P3H2: variants seen among roughly 807,000 people sequenced by gnomAD.
The protein encoded by P3H2 is prolyl 3-hydroxylase 2.
In P3H2, 80 loss-of-function variants were observed where a neutral mutation model predicts 87.0. The observed-to-expected ratio is 0.92, with a 90% CI of 0.77 to 1.11. The LOEUF is 1.11. Among genes scored for constraint, P3H2 ranks in the 50% least tolerant of loss-of-function variants. P3H2 has a pLI of 0.00. For missense variants in P3H2, 1,001 were observed against 923.9 expected (o/e 1.08, Z -1.08); for synonymous variants, 367 against 359.3 (o/e 1.02, Z -0.24).
chr3:190,120,602 A>T lies in P3H2; in HGVS notation c.130T>A (p.Phe44Ile). 1 of 1,544,692 alleles carries T rather than the reference A, an allele frequency of 6.5e-7. No homozygotes were observed. The highest frequency in any genetic ancestry group is 8.7e-7 in the Non-Finnish European group (1 of 1,155,152). Residue 44 changes from phenylalanine to isoleucine, a missense_variant, in exon 1 of 15, where the codon TTC becomes ATC. By Grantham distance (21) the Phe-to-Ile change is conservative. Transcript: ENST00000319332. Reference sequence around the variant, plus strand: ...GCGCCGCTGGCGTAGAGCAGGTCGAAGGGCTGCAGAGGCCCGGGCTCCAGC... The same window carrying T: ...GCGCCGCTGGCGTAGAGCAGGTCGATGGGCTGCAGAGGCCCGGGCTCCAGC... Reference protein sequence around the residue: ...LELEPGPLQPFDLLYASGAAA... With the variant: ...LELEPGPLQPIDLLYASGAAA...
Position 190,049,947 on chromosome 3 carries a change from A to T in P3H2, c.481-54505T>A, listed in dbSNP as rs558388189. Among the ~76,000 whole-genome samples, 19 of 152,352 alleles carry T rather than the reference A, an allele frequency of 1.2e-4. 1 individual carries two copies. The South Asian group carries it at 2.1e-3, about 17-fold the overall frequency. On this transcript the variant is annotated intron_variant, in intron 1 of 14. Coordinates refer to ENST00000319332, the MANE Select transcript of P3H2 (RefSeq NM_018192.4). ...TTGTGGAACTTTCAGAGTCTCTAAT[A>T]TGCTGATGCACATTGTAAATATTCA...
chr3:189,958,026 C>T (rs184009237), intron 14 of P3H2, 22 bp from the exon 15 acceptor site: 60 of 1,559,658 alleles, frequency 3.8e-5, no homozygotes, highest in Admixed American at 2.8e-4. Context: ...ACAATTTACA[C>T]ATTTCTGTTA....
At chr3:190,064,844 C>T (rs1726446658) in intron 1 of P3H2, among the ~76,000 whole-genome samples, 1 of 152,152 alleles carries the variant, frequency 6.6e-6, no homozygotes, top group African/African-American at 2.4e-5. Context: ...ATAAGATAAG[C>T]CTTCTTGTTT....
At position 189,957,688 on chromosome 3, in the gene P3H2, C is replaced by G. The variant is rs928517019; in HGVS notation, c.*224G>C. 2 of 518,458 alleles carry G rather than the reference C, an allele frequency of 3.9e-6. No homozygotes were observed. Among genetic ancestry groups the G allele is most frequent in the Non-Finnish European group, 6.8e-6 (2 of 293,644 alleles). 32.1% of individuals were successfully genotyped at this position (518,458 alleles called of 1,614,324 possible). ...TATATCCTAGACAACATGGTTAGAC[C>G]ATGTCTCTAAGAAGAGAGAGAGAGA... On this transcript the variant is annotated 3_prime_UTR_variant, in exon 15 of 15. Transcript: ENST00000319332.
chr3:190,058,225 C>T (rs112550382), intron 1 of P3H2, among the ~76,000 whole-genome samples: 1,588 of 152,270 alleles, frequency 0.01, 29 homozygotes, highest in African/African-American at 0.028. Flanking sequence ...TATCTGTCAA[C>T]TGGCTTGTTG....
intron 1 of P3H2, among the ~76,000 whole-genome samples, chr3:190,110,046 A>G (rs1297670165): frequency 5.9e-5 from 9 of 151,824 alleles, no homozygotes; most frequent in Admixed American, 2.6e-4. Flanking sequence ...TTGGGGTTTC[A>G]CCATGTTGGC....
At chr3:190,099,047 G>A (rs892621511) in intron 1 of P3H2, among the ~76,000 whole-genome samples, 3 of 151,660 alleles carry the variant, frequency 2.0e-5, no homozygotes, top group African/African-American at 4.8e-5. Flanking sequence ...TAAGAAAAAG[G>A]GTTCTTTCAT....
At position 190,120,625 on chromosome 3, in the gene P3H2, A is replaced by C. The variant is rs1712533010; in HGVS notation, c.107T>G (p.Leu36Arg). 3 of 1,532,528 alleles carry C rather than the reference A, an allele frequency of 2.0e-6. No individual in the cohort carries two copies. The highest frequency in any genetic ancestry group is 3.9e-5 in the Admixed American group (2 of 51,796). 94.9% of individuals were successfully genotyped at this position (1,532,528 alleles called of 1,614,324 possible). The change falls in exon 1 of 15, where the codon CTG becomes CGG. Residue 36 changes from leucine to arginine, a missense_variant. By Grantham distance (102) the Leu-to-Arg change is moderately radical (BLOSUM62 -2). Coordinates refer to ENST00000319332, the MANE Select transcript of P3H2 (RefSeq NM_018192.4). ...PPDSPRRELELEPGPLQPFDL... is the reference protein window; with the variant it reads ...PPDSPRRELEREPGPLQPFDL... ...GAAGGGCTGCAGAGGCCCGGGCTCC[A>C]GCTCCAGCTCCCGGCGTGGGCTGTC...
chr3:189,984,510 C>T (rs111358885), intron 7 of P3H2, 40 bp downstream of exon 7: 1 of 1,461,338 alleles, frequency 6.8e-7, no homozygotes, highest in South Asian at 1.1e-5. Flanking sequence ...CTAAGTATTT[C>T]TCCTCATAAA....
chr3:189,992,311 G>A (rs746607779), intron 3 of P3H2, among the ~76,000 whole-genome samples: 7 of 152,208 alleles, frequency 4.6e-5, no homozygotes, highest in Non-Finnish European at 8.8e-5. Flanking sequence ...GGCCAGGCTA[G>A]TCTCAAACTC....
Position 190,120,271 on chromosome 3 carries a change from A to T in P3H2, c.461T>A (p.Leu154Gln), listed in dbSNP as rs764615189. ...DFQRRVPYNY[L>Q]QRAYIKLNQL... ...GGGTACCTTGATGTAGGCCCGCTGC[A>T]GGTAGTTGTAGGGCACTCTGCGCTG... is the stretch of plus-strand genomic sequence containing the variant. The change falls in exon 1 of 15, where the codon CTG becomes CAG. Residue 154 changes from leucine to glutamine, a missense_variant. By Grantham distance (113) the Leu-to-Gln change is moderately radical. Transcript: ENST00000319332. The T allele has an allele frequency of 1.2e-6, 2 of 1,611,064 alleles. No individual in the cohort carries two copies. The highest frequency in any genetic ancestry group is 3.3e-5 in the Admixed American group (2 of 59,794).
At chr3:189,968,737 C>T (rs999748730) in intron 13 of P3H2, among the ~76,000 whole-genome samples, 5 of 152,180 alleles carry the variant, frequency 3.3e-5, no homozygotes, top group African/African-American at 9.7e-5. Flanking sequence ...CCTATTTCTC[C>T]ACATCCTCTC....
chr3:189,972,439 A>G (rs549757432), intron 11 of P3H2, among the ~76,000 whole-genome samples: 9 of 152,164 alleles, frequency 5.9e-5, no homozygotes, highest in Non-Finnish European at 8.8e-5. Context: ...GGCATAAGAC[A>G]TAGAGGAGAA....
At chr3:190,081,881 T>A (rs1727055011) in intron 1 of P3H2, among the ~76,000 whole-genome samples, 1 of 152,216 alleles carries the variant, frequency 6.6e-6, no homozygotes, top group South Asian at 2.1e-4. Flanking sequence ...AGTATAAAAA[T>A]GTGCTGAACA....
intron 1 of P3H2, among the ~76,000 whole-genome samples, chr3:189,996,072 T>C (rs1724043928): frequency 6.6e-6 from 1 of 152,136 alleles, no homozygotes; most frequent in Non-Finnish European, 1.5e-5. Flanking sequence ...AAATTAAAAG[T>C]AGAACTACCA....
chr3:190,096,424 C>A (rs1004177121), intron 1 of P3H2, among the ~76,000 whole-genome samples: 1 of 152,158 alleles, frequency 6.6e-6, no homozygotes, highest in South Asian at 2.1e-4. Flanking sequence ...CACGGTAACA[C>A]GTGCTTGCTT....
rs28755812 is a variant in P3H2 at position 190,115,822 on chromosome 3, T to A, written c.480+4430A>T. The stretch of plus-strand genomic sequence containing the variant: ...CAAGTTATTATTCATTCAACAAACA[T>A]ACACTGAACCACCCCCTGTTTTAGG... On this transcript the variant is annotated intron_variant, in intron 1 of 14. Transcript: ENST00000319332. 6.6e-3 allele frequency among the ~76,000 whole-genome samples: 1,008 copies of A among 152,288 alleles called. 8 individuals carry two copies. Among genetic ancestry groups the A allele is most frequent in the African/African-American group, 0.023 (962 of 41,548 alleles).
intron 1 of P3H2, among the ~76,000 whole-genome samples, chr3:190,101,326 T>A (rs1577324454): frequency 1.7e-5 from 1 of 58,720 alleles, no homozygotes; most frequent in Admixed American, 2.8e-4. Flanking sequence ...CAAAATAGAA[T>A]AAAAGCTAGG....
Position 189,957,557 on chromosome 3 carries a change from G to A in P3H2, c.*355C>T. ...CCAAGAAAGAGAGCTGGGTGTGGTG[G>A]CACGTGCCTGTGGTCCCAGCTCCCC... On this transcript the variant is annotated 3_prime_UTR_variant, in exon 15 of 15. Coordinates refer to ENST00000319332, the MANE Select transcript of P3H2 (RefSeq NM_018192.4). 2.5e-6 allele frequency: 1 copy of A among 396,432 alleles called. No homozygotes were observed. The highest frequency in any genetic ancestry group is 3.5e-5 in the South Asian group (1 of 28,314). The allele number at this position is 396,432 out of a possible 1,614,324, so 24.6% of individuals were successfully genotyped here.
Sources: gnomAD v4.1 joint callset for allele counts (sites outside exome capture counted in the v4.1 genomes callset) on GRCh38, gnomAD v4.1.1 for gene constraint, MANE v1.5 for transcripts, NCBI Gene and HGNC (gene_info 2026-07-23, HGNC 2026-07-21) for gene names.